The following CIRSR variants were observed in gnomAD, a reference collection of about 807,000 sequenced individuals.
CIRSR encodes corepressor of RBPJ and splicing regulator.
chr2:174,369,721 GA>G, the CIRSR span, among the ~76,000 whole-genome samples: 3 of 152,204 alleles, frequency 2.0e-5, no homozygotes, highest in Admixed American at 2.0e-4. Context: ...GAAAGGGAGA[GA>G]GATAAGGGAA....
At chr2:174,350,663 A>G in the CIRSR span, 1 of 1,590,592 alleles carries the variant, frequency 6.3e-7, no homozygotes, top group Non-Finnish European at 8.6e-7. Flanking sequence ...AAATTACCTG[A>G]GAAGTTTCTG....
the CIRSR span, among the ~76,000 whole-genome samples, chr2:174,352,214 CACACACACACACAT>C: frequency 2.0e-4 from 30 of 151,688 alleles, no homozygotes; most frequent in Admixed American, 3.9e-4. Flanking sequence ...ATCACACACA[CACACACACACACAT>C]ACACACACAC....
chr2:174,392,674 G>A, the CIRSR span, among the ~76,000 whole-genome samples: 1 of 152,212 alleles, frequency 6.6e-6, no homozygotes, highest in Non-Finnish European at 1.5e-5. Context: ...GATGGGAAAA[G>A]GGATGAATCC....
chr2:174,377,707 G>A, the CIRSR span, among the ~76,000 whole-genome samples: 2 of 151,024 alleles, frequency 1.3e-5, no homozygotes, highest in Non-Finnish European at 2.9e-5. Flanking sequence ...GGTAGTCTCA[G>A]CTAGCTACTC....
At chr2:174,348,946 G>A in the CIRSR span, 1 of 1,607,754 alleles carries the variant, frequency 6.2e-7, no homozygotes, top group Non-Finnish European at 8.5e-7. Flanking sequence ...CTGTTGTTAT[G>A]CCCTGAACAC....
At chr2:174,386,613 C>T in the CIRSR span, among the ~76,000 whole-genome samples, 1 of 152,144 alleles carries the variant, frequency 6.6e-6, no homozygotes, top group Non-Finnish European at 1.5e-5. Context: ...GTTGATAGCA[C>T]CCCAGTCCGC....
the CIRSR span, among the ~76,000 whole-genome samples, chr2:174,386,147 G>A: frequency 1.3e-3 from 197 of 152,124 alleles, no homozygotes; most frequent in Admixed American, 3.3e-3. Context: ...TTTCCAATAT[G>A]TTTTTACTAT....
the CIRSR span, chr2:174,395,541 G>A: frequency 1.9e-6 from 3 of 1,613,860 alleles, no homozygotes; most frequent in Non-Finnish European, 2.5e-6. Context: ...CCCCGGGTCT[G>A]TTTACTCACT....
chr2:174,383,719 CAA>C, the CIRSR span, among the ~76,000 whole-genome samples: 5,262 of 83,174 alleles, frequency 0.063, 90 homozygotes, highest in Middle Eastern at 0.16. Flanking sequence ...GACTCCGTCT[CAA>C]AAAAAAAAAA....
the CIRSR span, among the ~76,000 whole-genome samples, chr2:174,356,978 C>G: frequency 6.6e-6 from 1 of 152,090 alleles, no homozygotes; most frequent in Admixed American, 6.6e-5. Flanking sequence ...TTATGCTTCT[C>G]AACATTGATA....
At chr2:174,356,603 G>GAGGA in the CIRSR span, among the ~76,000 whole-genome samples, 1,297 of 33,932 alleles carry the variant, frequency 0.038, 10 homozygotes, top group South Asian at 0.14. Flanking sequence ...GGGAGGGAGG[G>GAGGA]AAGAAGGAAG....
the CIRSR span, among the ~76,000 whole-genome samples, chr2:174,375,053 G>A: frequency 6.6e-6 from 1 of 152,088 alleles, no homozygotes; most frequent in Admixed American, 6.5e-5. Context: ...CTAGAACAAG[G>A]CCTGGCACAG....
chr2:174,350,612 G>T, the CIRSR span: 1 of 1,243,574 alleles, frequency 8.0e-7, no homozygotes, highest in Non-Finnish European at 1.1e-6. Flanking sequence ...ATACTGAGAT[G>T]AATACTAAGG....
chr2:174,359,349 A>G, the CIRSR span, among the ~76,000 whole-genome samples: 2 of 152,072 alleles, frequency 1.3e-5, no homozygotes, highest in African/African-American at 4.8e-5. Flanking sequence ...AAAAAAAAAA[A>G]AAAGAGATTT....
the CIRSR span, among the ~76,000 whole-genome samples, chr2:174,389,669 G>C: frequency 6.6e-6 from 1 of 152,122 alleles, no homozygotes; most frequent in African/African-American, 2.4e-5. Flanking sequence ...ATGTCTCCAG[G>C]GTATGTCAGA....
the CIRSR span, among the ~76,000 whole-genome samples, chr2:174,352,968 T>C: frequency 6.6e-6 from 1 of 152,252 alleles, no homozygotes; most frequent in Non-Finnish European, 1.5e-5. Flanking sequence ...CTCACCTGCA[T>C]ATTATCATGG....
the CIRSR span, chr2:174,381,635 C>T: frequency 1.1e-5 from 13 of 1,233,386 alleles, no homozygotes; most frequent in South Asian, 4.4e-5. Flanking sequence ...CCAGCCTGGA[C>T]GACAGGGCAA....
the CIRSR span, chr2:174,348,366 A>T: frequency 2.1e-6 from 3 of 1,411,172 alleles, no homozygotes; most frequent in Non-Finnish European, 2.8e-6. Flanking sequence ...ATGAAAAATT[A>T]AAATTGAGCT....
the CIRSR span, chr2:174,358,081 C>T: frequency 6.6e-6 from 1 of 152,058 alleles, no homozygotes; most frequent in Admixed American, 6.5e-5. Context: ...TCTATTGAAA[C>T]ACACAATGTA....
Sources: gnomAD v4.1 joint callset for allele counts (sites outside exome capture counted in the v4.1 genomes callset) on GRCh38, gnomAD v4.1.1 for gene constraint, MANE v1.5 for transcripts, NCBI Gene and HGNC (gene_info 2026-07-23, HGNC 2026-07-21) for gene names.